AGPAT5: variants seen among roughly 807,000 people sequenced by gnomAD.
AGPAT5 encodes the protein 1-acyl-sn-glycerol-3-phosphate acyltransferase epsilon.
AGPAT5 carries 46 observed loss-of-function variants against 45.6 expected under a neutral mutation model. That is an observed-to-expected ratio of 1.01 (90% CI 0.80 to 1.29). The LOEUF (loss-of-function observed/expected upper bound fraction) is 1.29. Ranked by LOEUF, AGPAT5 falls within the 50% of genes most tolerant of loss-of-function variation. The pLI is 0.00. For missense variants in AGPAT5, 673 were observed against 450.7 expected (o/e 1.49, Z -4.47); for synonymous variants, 272 against 167.0 (o/e 1.63, Z -4.85).
At chr8:6,753,256 G>T (rs910945417) in intron 6 of AGPAT5, among the ~76,000 whole-genome samples, 3 of 152,144 alleles carry the variant, frequency 2.0e-5, no homozygotes, top group African/African-American at 7.2e-5. Flanking sequence ...ACTCCACGAA[G>T]CATTCTATTT....
At chr8:6,710,311 C>G (rs1399210456) in intron 1 of AGPAT5, among the ~76,000 whole-genome samples, 2 of 152,292 alleles carry the variant, frequency 1.3e-5, no homozygotes, top group South Asian at 2.1e-4. Context: ...ATCCGATTTA[C>G]TTCTTGATTT....
chr8:6,732,487 G>T, intron 3 of AGPAT5, 74 bp from the exon 4 acceptor site: 1 of 1,156,384 alleles, frequency 8.6e-7, no homozygotes, highest in South Asian at 1.7e-5. Context: ...TGCAAGAGAA[G>T]TTGCCTTTTT....
At chr8:6,715,318 C>T (rs1404736269) in intron 1 of AGPAT5, among the ~76,000 whole-genome samples, 2 of 152,120 alleles carry the variant, frequency 1.3e-5, no homozygotes, top group East Asian at 3.8e-4. Context: ...GTAATGTAGT[C>T]ATCCAGGTGA....
At chr8:6,733,368 G>A (rs1800936821) in intron 4 of AGPAT5, among the ~76,000 whole-genome samples, 1 of 152,176 alleles carries the variant, frequency 6.6e-6, no homozygotes, top group Non-Finnish European at 1.5e-5. Context: ...CCCCTCACCA[G>A]GGGTCCTGGG....
chr8:6,757,379 T>C lies in AGPAT5; in HGVS notation c.1086T>C (p.Ile362=), dbSNP rs2116973708. The change falls in exon 8 of 8, where the codon ATT becomes ATC. Residue 362 remains isoleucine (I), a synonymous_variant. Transcript: ENST00000285518. ...GTLLGCLWVT[I]KA ...TACTTGGCTGCCTGTGGGTTACTAT[T>C]AAAGCATAGACAAGTAGCTGTCTCC... 6.2e-7 allele frequency: 1 copy of C among 1,614,004 alleles called. No individual in the cohort carries two copies. Among genetic ancestry groups the C allele is most frequent in the Non-Finnish European group, 8.5e-7 (1 of 1,179,818 alleles).
At chr8:6,731,529 A>G (rs949176697) in intron 3 of AGPAT5, among the ~76,000 whole-genome samples, 1 of 152,016 alleles carries the variant, frequency 6.6e-6, no homozygotes, top group Non-Finnish European at 1.5e-5. Context: ...TAATTGTTAT[A>G]TTATTTTTAA....
chr8:6,739,263 G>C (rs965735164), intron 4 of AGPAT5, among the ~76,000 whole-genome samples: 7 of 151,824 alleles, frequency 4.6e-5, no homozygotes, highest in African/African-American at 1.2e-4. Flanking sequence ...AAGTTGTTTT[G>C]GCTATTTTAG....
rs142119160 is a variant in AGPAT5 at position 6,749,490 on chromosome 8, G to A, written c.745+1662G>A. ...AAATTAAAACTGTACGAAATGCACA[G>A]TGAAACGTCTTCCTTGCTTTCCACC... On this transcript the variant is annotated intron_variant, in intron 6 of 7. Coordinates refer to ENST00000285518, the MANE Select transcript of AGPAT5 (RefSeq NM_018361.5). 5.2e-4 allele frequency among the ~76,000 whole-genome samples: 79 copies of A among 152,326 alleles called. 3 individuals carry two copies. In the East Asian group the frequency reaches 0.012, roughly 23 times the overall value.
chr8:6,750,477 T>A (rs1459670665), intron 6 of AGPAT5, among the ~76,000 whole-genome samples: 1 of 152,180 alleles, frequency 6.6e-6, no homozygotes, highest in Non-Finnish European at 1.5e-5. Context: ...CAGTCAAGGA[T>A]AAAGTATTTC....
chr8:6,755,635 G>C (rs1801809468), intron 7 of AGPAT5, among the ~76,000 whole-genome samples: 1 of 152,224 alleles, frequency 6.6e-6, no homozygotes, highest in East Asian at 1.9e-4. Flanking sequence ...GAAGGGGGCA[G>C]TTGACAGCGT....
chr8:6,757,298 G>C lies in AGPAT5; in HGVS notation c.1005G>C (p.Met335Ile), dbSNP rs1375497599. 6.2e-7 allele frequency: 1 copy of C among 1,614,204 alleles called. No homozygotes were observed. Among genetic ancestry groups the C allele is most frequent in the South Asian group, 1.1e-5 (1 of 91,084 alleles). ...TCTTAAGTGGTTTGACTGCAGGCATGCTTATGACCGATGCTGGAAGGAAGC... is the reference window on the plus strand; with the variant it reads ...TCTTAAGTGGTTTGACTGCAGGCATCCTTATGACCGATGCTGGAAGGAAGC... The part of the protein sequence containing the change: ...MLILSGLTAG[M>I]LMTDAGRKLY... Residue 335 changes from methionine (M) to isoleucine (I), a missense_variant, in exon 8 of 8, where the codon ATG becomes ATC. Coordinates refer to ENST00000285518, the MANE Select transcript of AGPAT5 (RefSeq NM_018361.5).
chr8:6,743,231 T>G (rs1380539738), intron 5 of AGPAT5, among the ~76,000 whole-genome samples: 1 of 152,226 alleles, frequency 6.6e-6, no homozygotes, highest in Non-Finnish European at 1.5e-5. Flanking sequence ...TTTGATTAAT[T>G]TCACTTTTTG....
intron 2 of AGPAT5, among the ~76,000 whole-genome samples, chr8:6,730,120 T>C (rs1188703530): frequency 2.6e-5 from 4 of 152,122 alleles, no homozygotes; most frequent in African/African-American, 9.7e-5. Flanking sequence ...TTTCTAGACT[T>C]TAGGATTTAG....
chr8:6,753,895 C>T (rs574679180), intron 6 of AGPAT5, among the ~76,000 whole-genome samples: 15 of 152,166 alleles, frequency 9.9e-5, no homozygotes, highest in African/African-American at 3.4e-4. Context: ...GAGCTCGACA[C>T]TGAAGTCAAG....
At chr8:6,724,364 A>G (rs915593968) in intron 1 of AGPAT5, among the ~76,000 whole-genome samples, 1 of 152,158 alleles carries the variant, frequency 6.6e-6, no homozygotes, top group Admixed American at 6.5e-5. Flanking sequence ...CCAGAATCCT[A>G]CCTAATAATA....
chr8:6,742,043 C>G (rs1033132293), intron 5 of AGPAT5, among the ~76,000 whole-genome samples: 1 of 152,104 alleles, frequency 6.6e-6, no homozygotes, highest in African/African-American at 2.4e-5. Flanking sequence ...TAGATGGAAG[C>G]TTTTTCTACA....
In AGPAT5 at chr8:6,729,296, A is replaced by G. The variant is rs533991630; in HGVS notation, c.290-1415A>G. The stretch of plus-strand genomic sequence containing the variant: ...CTGTGGAAAACTGTCCTCTTTGGCT[A>G]AAACTTTATTGTAATTCCTCTAAAT... On this transcript the variant is annotated intron_variant, in intron 2 of 7. Transcript: ENST00000285518. 3.3e-5 allele frequency among the ~76,000 whole-genome samples: 5 copies of G among 151,880 alleles called. No homozygotes were observed. In the East Asian group the frequency reaches 9.6e-4, roughly 29 times the overall value.
Position 6,708,776 on chromosome 8 carries a change from G to C in AGPAT5, c.108G>C (p.Arg36=). 2.5e-6 allele frequency: 4 copies of C among 1,608,726 alleles called. No homozygotes were observed. Among genetic ancestry groups the C allele is most frequent in the Non-Finnish European group, 3.4e-6 (4 of 1,179,598 alleles). The part of the protein sequence containing the change: ...PTYVLAWGVW[R]LLSAFLPARF... ...ACGTGTTGGCCTGGGGGGTCTGGCG[G>C]CTGCTCTCCGCCTTCCTGCCCGCCC... is the stretch of plus-strand genomic sequence containing the variant. The change falls in exon 1 of 8, where the codon CGG becomes CGC. Residue 36 remains arginine, a synonymous_variant. Coordinates refer to ENST00000285518, the MANE Select transcript of AGPAT5 (RefSeq NM_018361.5).
At chr8:6,732,502 A>G in intron 3 of AGPAT5, 59 bp from the exon 4 acceptor site, 1 of 1,425,210 alleles carries the variant, frequency 7.0e-7, no homozygotes, top group Non-Finnish European at 9.5e-7. Context: ...CTTTTTGATG[A>G]CTCTGGCCAA....
Sources: allele counts gnomAD v4.1 joint callset (sites outside exome capture counted in the v4.1 genomes callset), GRCh38; gene constraint gnomAD v4.1.1; transcripts MANE v1.5; gene names NCBI Gene and HGNC (gene_info 2026-07-23, HGNC 2026-07-21).